KCTD8: variants seen among roughly 807,000 people sequenced by gnomAD.
The protein encoded by KCTD8 is BTB/POZ domain-containing protein KCTD8.
A neutral mutation model predicts 31.5 loss-of-function variants in KCTD8; 27 were observed. The observed-to-expected ratio is 0.86, with a 90% CI of 0.63 to 1.18. KCTD8 has a LOEUF of 1.18. Ranked by LOEUF, KCTD8 falls within the 50% of genes most tolerant of loss-of-function variation. The pLI is 0.00. For missense variants in KCTD8, 658 were observed against 647.7 expected (o/e 1.02, Z -0.17); for synonymous variants, 290 against 280.0 (o/e 1.04, Z -0.36).
At chr4:44,175,759 C>T (rs1713196439) in intron 1 of KCTD8, among the ~76,000 whole-genome samples, 1 of 152,146 alleles carries the variant, frequency 6.6e-6, no homozygotes, top group African/African-American at 2.4e-5. Context: ...GCTGCAATCA[C>T]ATCATTTATG....
chr4:44,329,748 C>T (rs1718545714), intron 1 of KCTD8, among the ~76,000 whole-genome samples: 1 of 151,678 alleles, frequency 6.6e-6, no homozygotes, highest in Non-Finnish European at 1.5e-5. Context: ...AAATATGAGC[C>T]CCCTGTGCTA....
At chr4:44,357,596 A>C (rs946572791) in intron 1 of KCTD8, among the ~76,000 whole-genome samples, 3 of 152,218 alleles carry the variant, frequency 2.0e-5, no homozygotes, top group African/African-American at 7.2e-5. Context: ...GGAACATAGA[A>C]TATTAAGCTA....
chr4:44,214,671 G>C (rs1173722240), intron 1 of KCTD8, among the ~76,000 whole-genome samples: 1 of 152,156 alleles, frequency 6.6e-6, no homozygotes, highest in African/African-American at 2.4e-5. Flanking sequence ...CAACCTCCAA[G>C]CTGTCCTTGT....
chr4:44,332,267 TACAGAAACTCAGTATGTTTTGA>T (rs1356889337), intron 1 of KCTD8, among the ~76,000 whole-genome samples: 1 of 151,968 alleles, frequency 6.6e-6, no homozygotes, highest in African/African-American at 2.4e-5. Context: ...ATACAGTCTA[TACAGAAACTCAGTATGTTTTGA>T]ACAGATGACT....
At chr4:44,187,613 G>A (rs944373770) in intron 1 of KCTD8, among the ~76,000 whole-genome samples, 14 of 152,190 alleles carry the variant, frequency 9.2e-5, no homozygotes, top group African/African-American at 3.4e-4. Flanking sequence ...TATGTTTTAT[G>A]AGAGGGATGA....
At chr4:44,253,256 TG>T (rs1715896265) in intron 1 of KCTD8, among the ~76,000 whole-genome samples, 1 of 151,830 alleles carries the variant, frequency 6.6e-6, no homozygotes, top group African/African-American at 2.4e-5. Context: ...CATCTGGGCC[TG>T]GGGCCATGTT....
At chr4:44,356,988 A>T (rs116632189) in intron 1 of KCTD8, among the ~76,000 whole-genome samples, 1 of 152,228 alleles carries the variant, frequency 6.6e-6, no homozygotes, top group African/African-American at 2.4e-5. Context: ...ATGAAATTAC[A>T]AGATATAACT....
At chr4:44,368,126 C>T (rs141320408) in intron 1 of KCTD8, among the ~76,000 whole-genome samples, 1 of 152,236 alleles carries the variant, frequency 6.6e-6, no homozygotes, top group Non-Finnish European at 1.5e-5. Context: ...CCTGTAATCT[C>T]AGCACTTTGG....
chr4:44,212,492 T>C (rs1560396146), intron 1 of KCTD8, among the ~76,000 whole-genome samples: 1 of 152,150 alleles, frequency 6.6e-6, no homozygotes, highest in Non-Finnish European at 1.5e-5. Context: ...CAAAAGTTGG[T>C]CCACTGTATA....
At chr4:44,198,149 G>C (rs1428128035) in intron 1 of KCTD8, among the ~76,000 whole-genome samples, 1 of 152,026 alleles carries the variant, frequency 6.6e-6, no homozygotes, top group African/African-American at 2.4e-5. Context: ...AGAAATATGG[G>C]ACTATGTAAA....
At chr4:44,319,793 T>C (rs1260610854) in intron 1 of KCTD8, among the ~76,000 whole-genome samples, 1 of 152,102 alleles carries the variant, frequency 6.6e-6, no homozygotes, top group Non-Finnish European at 1.5e-5. Flanking sequence ...TTGCAAATTA[T>C]AGGTGTTTTT....
At chr4:44,204,093 AATAAT>A (rs1714231622) in intron 1 of KCTD8, among the ~76,000 whole-genome samples, 1 of 152,084 alleles carries the variant, frequency 6.6e-6, no homozygotes, top group Non-Finnish European at 1.5e-5. Flanking sequence ...AAACAACAAA[AATAAT>A]ATAATTACCA....
intron 1 of KCTD8, among the ~76,000 whole-genome samples, chr4:44,250,482 A>C (rs1215700954): frequency 6.6e-6 from 1 of 151,758 alleles, no homozygotes; most frequent in Non-Finnish European, 1.5e-5. Flanking sequence ...TTACAGGTGA[A>C]AGAGCAGACC....
intron 1 of KCTD8, among the ~76,000 whole-genome samples, chr4:44,223,865 G>A (rs938069345): frequency 2.6e-5 from 4 of 152,242 alleles, no homozygotes; most frequent in African/African-American, 9.6e-5. Context: ...ATTACATATG[G>A]TTTATGACTA....
chr4:44,381,104 C>T (rs185069585), intron 1 of KCTD8, among the ~76,000 whole-genome samples: 1 of 151,934 alleles, frequency 6.6e-6, no homozygotes, highest in Non-Finnish European at 1.5e-5. Context: ...TATGGAAATT[C>T]TTAATATTTC....
chr4:44,366,451 G>A (rs1719639430), intron 1 of KCTD8, among the ~76,000 whole-genome samples: 1 of 152,186 alleles, frequency 6.6e-6, no homozygotes, highest in African/African-American at 2.4e-5. Flanking sequence ...CTGCTGCCAT[G>A]TGAAGATGTG....
chr4:44,424,096 T>C (rs1453441962), intron 1 of KCTD8, among the ~76,000 whole-genome samples: 1 of 152,100 alleles, frequency 6.6e-6, no homozygotes, highest in South Asian at 2.1e-4. Context: ...TTTTATACAA[T>C]GAATGCCATA....
chr4:44,234,570 C>T (rs1191802982), intron 1 of KCTD8, among the ~76,000 whole-genome samples: 1 of 152,138 alleles, frequency 6.6e-6, no homozygotes, highest in African/African-American at 2.4e-5. Context: ...GAGAGGAGTG[C>T]AGCATTGGTC....
At chr4:44,420,996 C>T (rs1423918862) in intron 1 of KCTD8, among the ~76,000 whole-genome samples, 1 of 151,824 alleles carries the variant, frequency 6.6e-6, no homozygotes, top group Non-Finnish European at 1.5e-5. Flanking sequence ...AAGGCAGTGA[C>T]TTTCTAATAG....
Sources: allele counts gnomAD v4.1 joint callset (sites outside exome capture counted in the v4.1 genomes callset), GRCh38; gene constraint gnomAD v4.1.1; transcripts MANE v1.5; gene names NCBI Gene and HGNC (gene_info 2026-07-23, HGNC 2026-07-21).